ZNF723: variants seen among roughly 807,000 people sequenced by gnomAD.
ZNF723 encodes zinc finger protein 723, pseudogene.
Under a neutral mutation model 9.4 loss-of-function variants are expected in ZNF723, and 5 were observed. That is an observed-to-expected ratio of 0.53 (90% CI 0.28 to 1.12). The LOEUF is 1.12. Among genes scored for constraint, ZNF723 ranks in the 50% most tolerant of loss-of-function variants. The pLI is 0.10. For missense variants in ZNF723, 450 were observed against 501.5 expected, an observed-to-expected ratio of 0.90 and a Z score of 0.98; for synonymous variants, 158 against 168.8, an observed-to-expected ratio of 0.94 and a Z score of 0.49.
At chr19:22,820,331 A>G in the ZNF723 span, among the ~76,000 whole-genome samples, 1 of 152,140 alleles carries the variant, frequency 6.6e-6, no homozygotes, top group Non-Finnish European at 1.5e-5. Context: ...GAATTGTGAC[A>G]TATCACTGGA....
intron 3 of ZNF723, among the ~76,000 whole-genome samples, chr19:22,855,028 C>T (rs1344668459): frequency 1.3e-5 from 2 of 151,540 alleles, no homozygotes; most frequent in Non-Finnish European, 2.9e-5. Context: ...GCCTGGGCAA[C>T]AAGATTGAAA....
At position 22,839,254 on chromosome 19, in the gene ZNF723, A is replaced by G. The variant is rs375973557; in HGVS notation, c.3+6872A>G. On this transcript the variant is annotated intron_variant, in intron 1 of 3. Coordinates refer to ENST00000600766, the MANE Select transcript of ZNF723 (RefSeq NM_001349726.2). ...TATTGTGAATAGTTCTGCAGTGACC[A>G]TGAATGTGCATGTGTTTTTATGGCA... is the stretch of plus-strand genomic sequence containing the variant. Among the ~76,000 whole-genome samples, 6 of 152,310 alleles carry G rather than the reference A, an allele frequency of 3.9e-5. No individual in the cohort carries two copies. The South Asian group carries it at 1.2e-3, about 32-fold the overall frequency.
Position 22,857,232 on chromosome 19 carries a change from GA to G in ZNF723, c.345del (p.Gly116AlafsTer22). ...TATGGACATGACAATTTACAATTAA[GA>G]AAAGGCTGTGAAAGTGTGGATGAGT... ...GKYGHDNLQL[R>X]KGCESVDECK... is the part of the protein sequence containing the mutation. On this transcript the variant is annotated frameshift_variant, in exon 4 of 4. Transcript: ENST00000600766. LOFTEE classifies it low-confidence loss of function (END_TRUNC). 1 of 877,818 alleles carries G rather than the reference GA, an allele frequency of 1.1e-6. No homozygotes were observed. The highest frequency in any genetic ancestry group is 1.9e-5 in the Admixed American group (1 of 51,746). The allele number at this position is 877,818 out of a possible 1,614,324, so 54.4% of individuals were successfully genotyped here.
chr19:22,816,497 A>C, the ZNF723 span, among the ~76,000 whole-genome samples: 10 of 152,212 alleles, frequency 6.6e-5, no homozygotes, highest in African/African-American at 2.4e-4. Context: ...CTTAGACCCA[A>C]CATACAGGAG....
At chr19:22,852,721 C>G (rs1221534561) in intron 3 of ZNF723, among the ~76,000 whole-genome samples, 2 of 152,090 alleles carry the variant, frequency 1.3e-5, no homozygotes, top group Non-Finnish European at 2.9e-5. Context: ...TCGGTTTAGT[C>G]ATATTAATGG....
the ZNF723 span, among the ~76,000 whole-genome samples, chr19:22,816,645 A>T: frequency 6.6e-6 from 1 of 152,258 alleles, no homozygotes; most frequent in Non-Finnish European, 1.5e-5. Flanking sequence ...CTCAGCCCAC[A>T]GATTGGATAG....
chr19:22,843,575 TTTAGAC>T (rs374817968), intron 1 of ZNF723, among the ~76,000 whole-genome samples: 16 of 152,278 alleles, frequency 1.1e-4, no homozygotes, highest in African/African-American at 3.9e-4. Flanking sequence ...TCCAGGAACT[TTTAGAC>T]TAGACTAGCA....
the ZNF723 span, among the ~76,000 whole-genome samples, chr19:22,814,130 GA>G: frequency 3.3e-5 from 5 of 152,156 alleles, no homozygotes; most frequent in Non-Finnish European, 7.3e-5. Flanking sequence ...ATTTTTAAAT[GA>G]AGCTCATAGG....
At chr19:22,819,165 A>G in the ZNF723 span, among the ~76,000 whole-genome samples, 1 of 152,188 alleles carries the variant, frequency 6.6e-6, no homozygotes, top group South Asian at 2.1e-4. Flanking sequence ...ATTGTGATGT[A>G]TTGCTGAGTC....
the ZNF723 span, among the ~76,000 whole-genome samples, chr19:22,825,124 C>T: frequency 2.6e-5 from 4 of 152,158 alleles, no homozygotes; most frequent in Non-Finnish European, 4.4e-5. Flanking sequence ...GGTTCTGAAT[C>T]TGACACTAAG....
At chr19:22,839,989 T>G (rs1967220507) in intron 1 of ZNF723, among the ~76,000 whole-genome samples, 1 of 149,452 alleles carries the variant, frequency 6.7e-6, no homozygotes, top group South Asian at 2.1e-4. Flanking sequence ...GTAAATTTAT[T>G]TAAGTATTTT....
the ZNF723 span, among the ~76,000 whole-genome samples, chr19:22,821,042 G>A: frequency 2.0e-5 from 3 of 152,182 alleles, no homozygotes; most frequent in African/African-American, 7.2e-5. Flanking sequence ...GCACAGCTGT[G>A]AGGCTGTGAT....
At chr19:22,851,749 GT>G (rs58604290) in intron 3 of ZNF723, among the ~76,000 whole-genome samples, 21,564 of 151,998 alleles carry the variant, frequency 0.14, 1,506 homozygotes, top group East Asian at 0.18. Flanking sequence ...TTTTTGTCTT[GT>G]TTTTGAAGTA....
At chr19:22,826,227 A>G in the ZNF723 span, among the ~76,000 whole-genome samples, 2 of 152,162 alleles carry the variant, frequency 1.3e-5, no homozygotes, top group African/African-American at 4.8e-5. Flanking sequence ...GAACTGTGAC[A>G]TATTTCTGGT....
chr19:22,835,193 A>G (rs1006671137), intron 1 of ZNF723, among the ~76,000 whole-genome samples: 1 of 150,892 alleles, frequency 6.6e-6, no homozygotes, highest in Non-Finnish European at 1.5e-5. Context: ...GGCGCCTGCC[A>G]CCACACCCAG....
intron 1 of ZNF723, among the ~76,000 whole-genome samples, chr19:22,844,421 G>A (rs947195757): frequency 7.9e-5 from 12 of 152,150 alleles, no homozygotes; most frequent in African/African-American, 2.9e-4. Context: ...TGAAATACAT[G>A]TGCTGGGCCC....
chr19:22,856,641 T>C (rs1465161598), intron 3 of ZNF723, among the ~76,000 whole-genome samples: 2 of 152,174 alleles, frequency 1.3e-5, no homozygotes, highest in East Asian at 3.9e-4. Flanking sequence ...TTACATTTAG[T>C]CTCAGCAAAC....
chr19:22,849,093 T>G (rs1488071299), intron 2 of ZNF723, 105 bp from the exon 3 acceptor site: 2 of 408,848 alleles, frequency 4.9e-6, no homozygotes, highest in Admixed American at 8.5e-5. Flanking sequence ...TATAAATTAC[T>G]GTTTTGGGAT....
chr19:22,852,264 G>A (rs1194518519), intron 3 of ZNF723, among the ~76,000 whole-genome samples: 1 of 151,876 alleles, frequency 6.6e-6, no homozygotes, highest in Non-Finnish European at 1.5e-5. Context: ...TTACAATTTT[G>A]TTTCTGTGTT....
Sources: allele counts gnomAD v4.1 joint callset (sites outside exome capture counted in the v4.1 genomes callset), GRCh38; gene constraint gnomAD v4.1.1; transcripts MANE v1.5; gene names NCBI Gene and HGNC (gene_info 2026-07-23, HGNC 2026-07-21).